The following LRP1 variants were observed in gnomAD, a reference collection of about 807,000 sequenced individuals.
The protein encoded by LRP1 is LDL receptor related protein 1, also known as prolow-density lipoprotein receptor-related protein 1.
LRP1 carries 51 observed loss-of-function variants against 541.5 expected under a neutral mutation model. That is an observed-to-expected ratio of 0.09 (90% CI 0.08 to 0.12). The LOEUF (loss-of-function observed/expected upper bound fraction) is 0.12, where lower values mean the gene tolerates loss of function less well. Ranked by LOEUF, LRP1 falls within the 10% of genes least tolerant of loss-of-function variation. LRP1 has a pLI of 1.00. For synonymous variants in LRP1, 2,219 were observed against 2,470.8 expected (o/e 0.90, Z 3.02); for missense variants, 3,878 against 6,376.2 (o/e 0.61, Z 13.34).
At chr12:57,130,595 G>T (rs1592595522) in intron 1 of LRP1, among the ~76,000 whole-genome samples, 1 of 152,126 alleles carries the variant, frequency 6.6e-6, no homozygotes, top group Non-Finnish European at 1.5e-5. Flanking sequence ...GATTGGGGTT[G>T]CAGCCGCTTC....
At chr12:57,133,440 AAAGCAGAGGCCCAGAC>A (rs1338253437) in intron 1 of LRP1, among the ~76,000 whole-genome samples, 2 of 152,044 alleles carry the variant, frequency 1.3e-5, no homozygotes, top group Non-Finnish European at 2.9e-5. Context: ...TCCAGGCCGC[AAAGCAGAGGCCCAGAC>A]TCAGGAATGA....
In LRP1 at chr12:57,186,521, T is replaced by C. The variant is rs34882747; in HGVS notation, c.6841+613T>C. Among the ~76,000 whole-genome samples, 955 of 152,376 alleles carry C rather than the reference T, an allele frequency of 6.3e-3. 13 individuals are homozygous for C. The highest frequency in any genetic ancestry group is 0.022 in the African/African-American group (914 of 41,586). ...TTCATTCAGCTGGTCCATAAAGACC[T>C]GCCAGGCACCGAACTAGGTGCTACG... On this transcript the variant is annotated intron_variant, in intron 41 of 88. Transcript: ENST00000243077.
Position 57,162,617 on chromosome 12 carries a change from G to A in LRP1, c.2404+99G>A, listed in dbSNP as rs995611618. The A allele has an allele frequency of 2.0e-5, 28 of 1,375,628 alleles. No homozygotes were observed. The Middle Eastern group carries it at 1.2e-3, about 58-fold the overall frequency. The allele number at this position is 1,375,628 out of a possible 1,614,324, so 85.2% of individuals were successfully genotyped here. The stretch of plus-strand genomic sequence containing the variant: ...CCTGGGAGTGAAGGCACTTCCCAGG[G>A]ATCCTAGGCTCTGACTTTTGAGGAT... On this transcript the variant is annotated intron_variant, in intron 14 of 88. Transcript: ENST00000243077. The surrounding 1 kb of genome is among the most constrained non-coding windows in gnomAD (Gnocchi z 5.2).
rs770619390 is a variant in LRP1, at chr12:57,166,119, G to A, written c.2707G>A (p.Glu903Lys). Residue 903 changes from glutamate to lysine, a missense_variant, in exon 17 of 89, where the codon GAG (glutamate) becomes AAG (lysine). Physicochemically the swap from Glu to Lys is moderately conservative, Grantham distance 56. Transcript: ENST00000243077. ...CTGCCCCTCGGACCGATTCAAGTGC[G>A]AGAACAACCGGTGCATCCCCAACCG... ...HTCPSDRFKC[E>K]NNRCIPNRWL... 17 of 1,614,204 alleles carry A rather than the reference G, an allele frequency of 1.1e-5. No individual in the cohort carries two copies. The highest frequency in any genetic ancestry group is 1.4e-5 in the Non-Finnish European group (17 of 1,180,048).
rs760636064 is a variant in LRP1, at chr12:57,160,995, C to G, written c.2082C>G (p.Thr694=). ...GCTCACACCGAGACATCTTTGTCAC[C>G]TCCAAGACAGTGCTTTGGCCCAATG... ...MDGSHRDIFV[T]SKTVLWPNGL... Residue 694 remains threonine, a synonymous_variant, in exon 13 of 89, where the codon ACC becomes ACG. Transcript: ENST00000243077. 2.9e-5 allele frequency: 47 copies of G among 1,614,026 alleles called. No homozygotes were observed. The highest frequency in any genetic ancestry group is 3.7e-5 in the Non-Finnish European group (44 of 1,180,036).
chr12:57,169,322 C>T lies in LRP1; in HGVS notation c.3163+15C>T, dbSNP rs781449883. The T allele has an allele frequency of 1.3e-6, 2 of 1,593,450 alleles. No homozygotes were observed. On this transcript the variant is annotated intron_variant, in intron 20 of 88. Transcript: ENST00000243077. ...CACCAACCAGGGTGGGCACCAGGGGCCCGTGGGGTGGGGATGAGATCGAGC... is the reference window on the plus strand; with the variant it reads ...CACCAACCAGGGTGGGCACCAGGGGTCCGTGGGGTGGGGATGAGATCGAGC...
Position 57,177,281 on chromosome 12 carries a change from G to T in LRP1, c.4196+36G>T. 2 of 1,606,950 alleles carry T rather than the reference G, an allele frequency of 1.2e-6. No homozygotes were observed. Among genetic ancestry groups the T allele is most frequent in the African/African-American group, 2.7e-5 (2 of 74,874 alleles). On this transcript the variant is annotated intron_variant, in intron 25 of 88. Coordinates refer to ENST00000243077, the MANE Select transcript of LRP1 (RefSeq NM_002332.3). This position sits in a 1 kb window ranked among gnomAD's most constrained non-coding sequence, Gnocchi z 6.8. ...TGCCCAGCCTTCTCCTGGCCCCATG[G>T]CCCCCCTGAAGTCCCATTCAGCCTG...
Position 57,183,989 on chromosome 12 carries a change from C to G in LRP1, c.5929+80C>G, listed in dbSNP as rs1212967137. 6.2e-7 allele frequency: 1 copy of G among 1,604,566 alleles called. No homozygotes were observed. The highest frequency in any genetic ancestry group is 1.1e-5 in the South Asian group (1 of 90,020). ...AAGTGAGAGGAGGAGTTGGCGGGAG[C>G]AGGAAGAGGAGCTGTAGGGGTGCCT... On this transcript the variant is annotated intron_variant, in intron 36 of 88. Coordinates refer to ENST00000243077, the MANE Select transcript of LRP1 (RefSeq NM_002332.3). The surrounding 1 kb of genome is among the most constrained non-coding windows in gnomAD (Gnocchi z 6.1).
intron 61 of LRP1, 41 bp from the exon 62 acceptor site, chr12:57,199,836 C>A: frequency 1.3e-6 from 2 of 1,551,856 alleles, no homozygotes; most frequent in South Asian, 1.2e-5. Context: ...CTTTGGTAGG[C>A]CAGAAAATGT....
At chr12:57,141,590 C>A (rs2035293502) in intron 3 of LRP1, 79 bp downstream of exon 3, 1 of 1,561,678 alleles carries the variant, frequency 6.4e-7, no homozygotes, top group Non-Finnish European at 8.8e-7. Context: ...TGTCCTGGCA[C>A]CTTCAGTGGG....
intron 2 of LRP1, 148 bp from the exon 3 acceptor site, chr12:57,141,226 A>G (rs1416175861): frequency 2.4e-6 from 2 of 838,360 alleles, no homozygotes; most frequent in East Asian, 2.7e-5. Context: ...GAATATTGTA[A>G]AAGAGTTCCA....
In LRP1 at chr12:57,197,865, T is replaced by C. The variant is rs2036571094; in HGVS notation, c.9282+201T>C. Among the ~76,000 whole-genome samples the C allele has an allele frequency of 6.6e-6, 1 of 152,184 alleles. No homozygotes were observed. On this transcript the variant is annotated intron_variant, in intron 58 of 88. Coordinates refer to ENST00000243077, the MANE Select transcript of LRP1 (RefSeq NM_002332.3). The surrounding 1 kb of genome is among the most constrained non-coding windows in gnomAD (Gnocchi z 4.5). ...AGATTCCTCTTGCCCTTCCCCTCGC[T>C]GCCAGCCTCATGTCTCCTTAATCAT...
chr12:57,182,890 T>G (rs2036193822), intron 34 of LRP1, among the ~76,000 whole-genome samples: 1 of 152,178 alleles, frequency 6.6e-6, no homozygotes, highest in South Asian at 2.1e-4. Context: ...GAGACTGGCT[T>G]CGGAGTGACC....
At chr12:57,200,844 C>A in intron 64 of LRP1, 29 bp downstream of exon 64, 1 of 1,565,342 alleles carries the variant, frequency 6.4e-7, no homozygotes, top group Non-Finnish European at 8.7e-7. Context: ...ACCCTCCCTC[C>A]TTCCCCAGCA....
At chr12:57,147,929 G>A (rs367833363) in intron 6 of LRP1, among the ~76,000 whole-genome samples, 1 of 152,096 alleles carries the variant, frequency 6.6e-6, no homozygotes, top group Non-Finnish European at 1.5e-5. Flanking sequence ...GATTGGGTGG[G>A]TCATCTCTTT....
rs984454241 is a variant in LRP1 at position 57,184,901 on chromosome 12, A to G, written c.6249A>G (p.Thr2083=). The G allele has an allele frequency of 3.1e-6, 5 of 1,614,192 alleles. No individual in the cohort carries two copies. The highest frequency in any genetic ancestry group is 4.2e-6 in the Non-Finnish European group (5 of 1,180,018). The change falls in exon 39 of 89, where the codon ACA becomes ACG. Residue 2083 remains threonine, a synonymous_variant. Coordinates refer to ENST00000243077, the MANE Select transcript of LRP1 (RefSeq NM_002332.3). This position sits in a 1 kb window ranked among gnomAD's most constrained non-coding sequence, Gnocchi z 7.8. ...AGATTGAACGGATCGACCTGGAGAC[A>G]GGTGAGAACCGCGAGGTGGTTCTGT... ...TDKIERIDLE[T]GENREVVLSS...
Position 57,211,630 on chromosome 12 carries a change from C to G in LRP1, c.13193+42C>G, listed in dbSNP as rs1049977395. On this transcript the variant is annotated intron_variant, in intron 85 of 88. Transcript: ENST00000243077. This position sits in a 1 kb window ranked among gnomAD's most constrained non-coding sequence, Gnocchi z 4.3. Reference sequence around the variant, plus strand: ...CTTCACCCAGGCATAGATCATCGCTCCCTTCCCCAGATTTGAGCAGGAGGA... The same window carrying G: ...CTTCACCCAGGCATAGATCATCGCTGCCTTCCCCAGATTTGAGCAGGAGGA... The G allele has an allele frequency of 2.4e-5, 38 of 1,608,198 alleles. No homozygotes were observed. The highest frequency in any genetic ancestry group is 3.1e-5 in the Non-Finnish European group (36 of 1,174,808).
intron 50 of LRP1, 77 bp downstream of exon 50, chr12:57,194,776 C>T: frequency 6.7e-7 from 1 of 1,499,242 alleles, no homozygotes; most frequent in Non-Finnish European, 8.9e-7. Flanking sequence ...AGCAAATGCC[C>T]CCTTGGAAAA....
chr12:57,199,767 T>C (rs1032693981), intron 61 of LRP1, 110 bp from the exon 62 acceptor site: 2 of 1,337,928 alleles, frequency 1.5e-6, no homozygotes, highest in Non-Finnish European at 2.0e-6. Flanking sequence ...AGCTCCCTCC[T>C]AAAAGAGGCA....
Sources: gnomAD v4.1 joint callset for allele counts (sites outside exome capture counted in the v4.1 genomes callset) on GRCh38, gnomAD v4.1.1 for gene constraint, Gnocchi (gnomAD v3.1) non-coding constraint, MANE v1.5 for transcripts, NCBI Gene and HGNC (gene_info 2026-07-23, HGNC 2026-07-21) for gene names.